Variants in KNL1 observed in about 807,000 individuals in gnomAD.
KNL1 encodes the protein kinetochore scaffold 1, also known as outer kinetochore KNL1 complex subunit KNL1.
Under a neutral mutation model 201.3 loss-of-function variants are expected in KNL1, and 66 were observed. The ratio of observed to expected loss-of-function variants is 0.33; its 90% CI spans 0.27 to 0.40. KNL1 has a LOEUF of 0.40. Among genes scored for constraint, KNL1 ranks in the 10% least tolerant of loss-of-function variants. The pLI, the probability that KNL1 is intolerant of heterozygous loss-of-function variation, is 1.00. For missense variants in KNL1, 2,815 were observed against 2,690.5 expected (o/e 1.05, Z -1.02); for synonymous variants, 895 against 899.2 (o/e 1.00, Z 0.08).
chr15:40,613,954 C>T (rs1272666941), intron 7 of KNL1, among the ~76,000 whole-genome samples: 1 of 151,926 alleles, frequency 6.6e-6, no homozygotes, highest in Non-Finnish European at 1.5e-5. Context: ...CCTGCCACCA[C>T]GCCTGGCTCA....
At chr15:40,642,335 C>G (rs1893255376) in intron 14 of KNL1, among the ~76,000 whole-genome samples, 1 of 151,298 alleles carries the variant, frequency 6.6e-6, no homozygotes, top group South Asian at 2.1e-4. Flanking sequence ...GGAGGTGGAG[C>G]TTGCAGTGAG....
intron 9 of KNL1, 136 bp downstream of exon 9, chr15:40,619,147 C>T: frequency 1.5e-6 from 1 of 661,428 alleles, no homozygotes; most frequent in Admixed American, 2.1e-5. Context: ...GGCTTCCTAC[C>T]TTTCCAGTTA....
Position 40,608,873 on chromosome 15 carries a change from A to G in KNL1, c.162A>G (p.Lys54=), listed in dbSNP as rs780341054. 10 of 1,611,726 alleles carry G rather than the reference A, an allele frequency of 6.2e-6. No homozygotes were observed. The highest frequency in any genetic ancestry group is 8.5e-6 in the Non-Finnish European group (10 of 1,178,472). Residue 54 remains lysine, a synonymous_variant, in exon 5 of 26, where the codon AAA becomes AAG. Transcript: ENST00000399668. ...VQESNALRNK[K]NSRRVSFADT... ...AATCCAATGCTTTGAGAAATAAGAA[A>G]AACTCTCGTCGAGTCAGCTTTGCAG...
chr15:40,634,294 A>G (rs979958487), intron 13 of KNL1, among the ~76,000 whole-genome samples: 1 of 152,120 alleles, frequency 6.6e-6, no homozygotes, highest in Non-Finnish European at 1.5e-5. Context: ...CTTAGTAAAG[A>G]CAGGGTTTCA....
rs1893366837 is a variant in KNL1, at chr15:40,645,806, GAGAT to G, written c.6006+36_6006+39del. 5.4e-6 allele frequency: 6 copies of G among 1,113,364 alleles called. No individual in the cohort carries two copies. The African/African-American group carries it at 8.1e-5, about 15-fold the overall frequency. 69.0% of individuals were successfully genotyped at this position (1,113,364 alleles called of 1,614,324 possible). A position where few individuals can be genotyped will look rare whatever the true frequency, so the allele number is the denominator to read the frequency against. ...AGACAGTTAATATCATAGAAAGAGA[GAGAT>G]ATTAAAATTACTTTCTAATGGTTAT... On this transcript the variant is annotated intron_variant, in intron 16 of 25. Transcript: ENST00000399668.
At chr15:40,637,784 A>C (rs1021443293) in intron 13 of KNL1, among the ~76,000 whole-genome samples, 4 of 152,222 alleles carry the variant, frequency 2.6e-5, no homozygotes, top group Non-Finnish European at 5.9e-5. Flanking sequence ...TGAGTATAAG[A>C]TATATATGAA....
chr15:40,623,467 T>G lies in KNL1; in HGVS notation c.3203T>G (p.Leu1068Arg), dbSNP rs1221728857. 1 of 1,611,552 alleles carries G rather than the reference T, an allele frequency of 6.2e-7. No homozygotes were observed. Among genetic ancestry groups the G allele is most frequent in the Non-Finnish European group, 8.5e-7 (1 of 1,179,280 alleles). Residue 1068 changes from leucine to arginine, a missense_variant, in exon 10 of 26, where the codon CTT becomes CGT. This residue lies in a region of KNL1 where 2,464 missense variants were observed against 2,291.7 expected (regional missense o/e 1.08). Transcript: ENST00000399668. ...LSSKSQRRKS[L>R]KLKNDKTIVF... ...AGCAAAAGTCAGAGAAGAAAAAGCC[T>G]TAAGCTAAAAAATGACAAGACCATT...
At chr15:40,644,615 G>A (rs566561234) in intron 14 of KNL1, among the ~76,000 whole-genome samples, 3 of 152,340 alleles carry the variant, frequency 2.0e-5, no homozygotes, top group African/African-American at 7.2e-5. Context: ...ACAATACCCC[G>A]CTTTCAAGGG....
At chr15:40,626,587 T>G (rs898479922) in intron 10 of KNL1, among the ~76,000 whole-genome samples, 1 of 151,482 alleles carries the variant, frequency 6.6e-6, no homozygotes, top group African/African-American at 2.4e-5. Flanking sequence ...TTTATTCATT[T>G]ATTTATTTTT....
At chr15:40,647,486 A>C (rs1237764355) in intron 17 of KNL1, among the ~76,000 whole-genome samples, 1 of 152,020 alleles carries the variant, frequency 6.6e-6, no homozygotes, top group African/African-American at 2.4e-5. Context: ...AAAAAATAAT[A>C]ATAAAATAAA....
chr15:40,645,193 T>C, intron 15 of KNL1, 106 bp downstream of exon 15: 1 of 718,490 alleles, frequency 1.4e-6, no homozygotes, highest in Non-Finnish European at 2.3e-6. Context: ...GTTATTTAAC[T>C]TATTTTTTAA....
At chr15:40,643,864 T>C (rs1893305975) in intron 14 of KNL1, among the ~76,000 whole-genome samples, 1 of 152,180 alleles carries the variant, frequency 6.6e-6, no homozygotes. Flanking sequence ...TCCCCTCTTA[T>C]TATGTAGAAA....
At chr15:40,636,414 A>G (rs906959755) in intron 13 of KNL1, among the ~76,000 whole-genome samples, 1 of 152,206 alleles carries the variant, frequency 6.6e-6, no homozygotes, top group Non-Finnish European at 1.5e-5. Flanking sequence ...TTTATGTGTT[A>G]TGAAAGTTTA....
At chr15:40,638,523 G>A (rs1436023177) in intron 13 of KNL1, among the ~76,000 whole-genome samples, 1 of 151,246 alleles carries the variant, frequency 6.6e-6, no homozygotes, top group Non-Finnish European at 1.5e-5. Context: ...ATGGAGTCTT[G>A]CTCTGTCACC....
chr15:40,634,720 G>A (rs750456703), intron 13 of KNL1, among the ~76,000 whole-genome samples: 1 of 152,114 alleles, frequency 6.6e-6, no homozygotes, highest in Non-Finnish European at 1.5e-5. Context: ...AGTAGAAAGA[G>A]TATTAGGAGA....
At chr15:40,648,834 T>C (rs1244875082) in intron 17 of KNL1, among the ~76,000 whole-genome samples, 2 of 149,858 alleles carry the variant, frequency 1.3e-5, no homozygotes, top group African/African-American at 2.5e-5. Context: ...ACTTTCTTTT[T>C]TTTTTTTTTT....
Position 40,622,307 on chromosome 15 carries a change from A to G in KNL1, c.2043A>G (p.Lys681=), listed in dbSNP as rs1892565273. The G allele has an allele frequency of 6.2e-7, 1 of 1,613,932 alleles. No individual in the cohort carries two copies. Among genetic ancestry groups the G allele is most frequent in the Non-Finnish European group, 8.5e-7 (1 of 1,179,858 alleles). Residue 681 remains lysine, a synonymous_variant, in exon 10 of 26, where the codon AAA becomes AAG. Transcript: ENST00000399668. ...TCTACTGTGGTGGAGTTCTTGATAA[A>G]CAAATAACTAATAGAAATACAGTAT... ...NIVYCGGVLD[K]QITNRNTVSW...
intron 13 of KNL1, among the ~76,000 whole-genome samples, chr15:40,637,164 CTTTT>C (rs1040619749): frequency 1.2e-4 from 16 of 135,276 alleles, no homozygotes; most frequent in African/African-American, 4.3e-4. Flanking sequence ...CTCTCTTTTT[CTTTT>C]TTCTTTCTTT....
intron 25 of KNL1, among the ~76,000 whole-genome samples, chr15:40,660,310 C>T (rs1326247455): frequency 6.6e-6 from 1 of 151,980 alleles, no homozygotes; most frequent in African/African-American, 2.4e-5. Flanking sequence ...AAACATGAAT[C>T]AAGAAGGAAA....
Sources: gnomAD v4.1 joint callset for allele counts (sites outside exome capture counted in the v4.1 genomes callset) on GRCh38, gnomAD v4.1.1 for gene constraint, gnomAD v4.1.1 regional missense constraint, MANE v1.5 for transcripts, NCBI Gene and HGNC (gene_info 2026-07-23, HGNC 2026-07-21) for gene names.